Variants in NUP153 observed in about 807,000 individuals in gnomAD.
NUP153 encodes the protein nuclear pore complex protein Nup153.
A neutral mutation model predicts 134.6 loss-of-function variants in NUP153; 27 were observed. The observed-to-expected ratio is 0.20, with a 90% CI of 0.15 to 0.28. The LOEUF (loss-of-function observed/expected upper bound fraction) is 0.28, where lower values mean the gene tolerates loss of function less well. Among genes scored for constraint, NUP153 ranks in the 10% least tolerant of loss-of-function variants. The pLI is 1.00. For missense variants in NUP153, 1,821 were observed against 1,731.3 expected (o/e 1.05, Z -0.92); for synonymous variants, 640 against 623.5 (o/e 1.03, Z -0.40).
At position 17,628,943 on chromosome 6, in the gene NUP153, T is replaced by C. The variant is rs1470360915; in HGVS notation, c.3256A>G (p.Asn1086Asp). 2.5e-6 allele frequency: 4 copies of C among 1,614,174 alleles called. No individual in the cohort carries two copies. The highest frequency in any genetic ancestry group is 2.5e-6 in the Non-Finnish European group (3 of 1,180,026). The change falls in exon 18 of 22, where the codon AAC (asparagine) becomes GAC (aspartate). Residue 1086 changes from asparagine to aspartate, a missense_variant. Physicochemically the swap from Asn to Asp is conservative, Grantham distance 23. Transcript: ENST00000262077. The surrounding 1 kb of genome is among the most constrained non-coding windows in gnomAD (Gnocchi z 5.4). ...GATGGCAGAGAGGCAGGCTCCACGT[T>C]GCCAAAAGAGAATCCTCCTTTGGTG... ...PATKGGFSFG[N>D]VEPASLPSAS...
At chr6:17,620,799 G>T (rs993588920) in intron 20 of NUP153, among the ~76,000 whole-genome samples, 1 of 151,976 alleles carries the variant, frequency 6.6e-6, no homozygotes, top group African/African-American at 2.4e-5. Context: ...GGACCCCCCT[G>T]GCCTAGGCAA....
rs112507485 is a variant in NUP153 at position 17,706,076 on chromosome 6, C to A, written c.111+201G>T. Among the ~76,000 whole-genome samples the A allele has an allele frequency of 6.6e-6, 1 of 152,218 alleles. No individual in the cohort carries two copies. Among genetic ancestry groups the A allele is most frequent in the Non-Finnish European group, 1.5e-5 (1 of 68,030 alleles). ...TGGGGGAAAGGCGGCCCAAACCACACGTGTGCGCCGCAAGGCTGGGCCTGT... is the reference window on the plus strand; with the variant it reads ...TGGGGGAAAGGCGGCCCAAACCACAAGTGTGCGCCGCAAGGCTGGGCCTGT... On this transcript the variant is annotated intron_variant, in intron 1 of 21. Coordinates refer to ENST00000262077, the MANE Select transcript of NUP153 (RefSeq NM_005124.4). This position sits in a 1 kb window ranked among gnomAD's most constrained non-coding sequence, Gnocchi z 5.9.
intron 2 of NUP153, among the ~76,000 whole-genome samples, chr6:17,677,927 T>C (rs374310449): frequency 1.4e-4 from 22 of 152,018 alleles, no homozygotes; most frequent in African/African-American, 5.1e-4. Context: ...TTTGTGTCAA[T>C]TGCTAGAGTT....
intron 2 of NUP153, among the ~76,000 whole-genome samples, chr6:17,678,386 T>G (rs1768362888): frequency 7.2e-6 from 1 of 139,408 alleles, no homozygotes; most frequent in Admixed American, 6.9e-5. Context: ...GATTCTGGCC[T>G]TTGGTTTGAA....
At chr6:17,651,286 G>GC (rs972339939) in intron 11 of NUP153, among the ~76,000 whole-genome samples, 10 of 152,064 alleles carry the variant, frequency 6.6e-5, no homozygotes, top group African/African-American at 1.9e-4. Flanking sequence ...CTGGGTGACA[G>GC]CAAGAACCCA....
chr6:17,637,153 C>G lies in NUP153; in HGVS notation c.2464G>C (p.Gly822Arg). 6.3e-7 allele frequency: 1 copy of G among 1,597,912 alleles called. No homozygotes were observed. The highest frequency in any genetic ancestry group is 8.6e-7 in the Non-Finnish European group (1 of 1,168,484). Reference protein sequence around the residue: ...KCVSCMSEKPGSSVPASSSST... With the variant: ...KCVSCMSEKPRSSVPASSSST... ...TTACTCCATAAAGCCAAAAACATACCTGGTTTCTCAGACATACAGGACACA... is the reference window on the plus strand; with the variant it reads ...TTACTCCATAAAGCCAAAAACATACGTGGTTTCTCAGACATACAGGACACA... Residue 822 changes from glycine to arginine, a missense_variant and splice_region_variant, in exon 16 of 22, where the codon GGA becomes CGA. Physicochemically the swap from Gly to Arg is moderately radical, Grantham distance 125 (BLOSUM62 -2). Transcript: ENST00000262077.
At chr6:17,644,073 A>C (rs150955067) in intron 14 of NUP153, among the ~76,000 whole-genome samples, 1 of 152,160 alleles carries the variant, frequency 6.6e-6, no homozygotes, top group East Asian at 1.9e-4. Context: ...ATAAGGTTGC[A>C]AACATACCAG....
intron 8 of NUP153, among the ~76,000 whole-genome samples, chr6:17,665,727 T>G (rs1223056335): frequency 6.6e-6 from 1 of 151,922 alleles, no homozygotes; most frequent in Non-Finnish European, 1.5e-5. Flanking sequence ...GTTTTTTGTT[T>G]TTTTTTTTTA....
intron 2 of NUP153, among the ~76,000 whole-genome samples, chr6:17,685,563 A>C (rs1279662257): frequency 6.6e-6 from 1 of 151,786 alleles, no homozygotes. Context: ...AAAAAAAAAA[A>C]AACTGTTATA....
intron 12 of NUP153, 88 bp from the exon 13 acceptor site, chr6:17,647,993 T>C (rs556771904): frequency 2.7e-5 from 21 of 777,296 alleles, no homozygotes; most frequent in South Asian, 4.7e-5. Context: ...AACTGATTAT[T>C]CCAAAGACAC....
In NUP153 at chr6:17,675,768, G is replaced by T; in HGVS notation, c.337C>A (p.Pro113Thr). ...PEPAVSNTEE[P>T]STTSTASNYP... ...TTTGAAGCAGTACTAGTTGTTGAAG[G>T]TTCTTAAAAGAAAAGCATTAATATT... is the stretch of plus-strand genomic sequence containing the variant. Residue 113 changes from proline to threonine, a missense_variant and splice_region_variant, in exon 3 of 22, where the codon CCT becomes ACT. Pro to Thr is a conservative substitution (Grantham distance 38). Coordinates refer to ENST00000262077, the MANE Select transcript of NUP153 (RefSeq NM_005124.4). The surrounding 1 kb of genome is among the most constrained non-coding windows in gnomAD (Gnocchi z 4.4). The T allele has an allele frequency of 6.2e-7, 1 of 1,612,668 alleles. No homozygotes were observed. Among genetic ancestry groups the T allele is most frequent in the Non-Finnish European group, 8.5e-7 (1 of 1,178,700 alleles).
chr6:17,631,775 G>C (rs1032772073), intron 17 of NUP153, among the ~76,000 whole-genome samples: 2 of 152,038 alleles, frequency 1.3e-5, no homozygotes, highest in Admixed American at 1.3e-4. Flanking sequence ...GACCATCCTG[G>C]CTAACATGGT....
intron 1 of NUP153, among the ~76,000 whole-genome samples, chr6:17,705,974 A>C (rs945859214): frequency 6.6e-6 from 1 of 152,202 alleles, no homozygotes; most frequent in Admixed American, 6.5e-5. Context: ...CAAAAAATAA[A>C]GAAACGCGCG....
At chr6:17,644,239 G>T (rs944018415) in intron 14 of NUP153, among the ~76,000 whole-genome samples, 2 of 152,066 alleles carry the variant, frequency 1.3e-5, no homozygotes, top group East Asian at 1.9e-4. Context: ...AAACTCAGAA[G>T]ATCATTGAAG....
intron 7 of NUP153, 68 bp from the exon 8 acceptor site, chr6:17,669,096 T>TTC: frequency 8.8e-7 from 1 of 1,132,404 alleles, no homozygotes; most frequent in South Asian, 1.6e-5. Context: ...TTTTTTTTTT[T>TTC]GAGATGGAGT....
At chr6:17,645,926 T>A (rs1345789022) in intron 14 of NUP153, 141 bp downstream of exon 14, 1 of 434,514 alleles carries the variant, frequency 2.3e-6, no homozygotes, top group Non-Finnish European at 4.1e-6. Flanking sequence ...AAAGGTTAAA[T>A]AATAGTGCCT....
At position 17,688,463 on chromosome 6, in the gene NUP153, G is replaced by T. The variant is rs150847776; in HGVS notation, c.267C>A (p.Ala89=). The change falls in exon 2 of 22, where the codon GCC becomes GCA. Residue 89 remains alanine (A), a synonymous_variant. Transcript: ENST00000262077. Reference sequence around the variant, plus strand: ...CAGTAATATTAGAGCTCTCCTCATCGGCATATACCAGATGGTCCTCTTTAT... The same window carrying T: ...CAGTAATATTAGAGCTCTCCTCATCTGCATATACCAGATGGTCCTCTTTAT... ...PENKEDHLVY[A]DEESSNITDG... The T allele has an allele frequency of 1.2e-6, 2 of 1,613,822 alleles. No individual in the cohort carries two copies. The highest frequency in any genetic ancestry group is 1.7e-6 in the Non-Finnish European group (2 of 1,179,984).
intron 8 of NUP153, among the ~76,000 whole-genome samples, chr6:17,668,021 A>G (rs1181221653): frequency 1.3e-5 from 2 of 151,654 alleles, no homozygotes; most frequent in East Asian, 1.9e-4. Flanking sequence ...GTTAATGAGG[A>G]AAGTATACAA....
Position 17,628,663 on chromosome 6 carries a change from G to C in NUP153, c.3536C>G (p.Thr1179Ser). 1 of 1,586,994 alleles carries C rather than the reference G, an allele frequency of 6.3e-7. No homozygotes were observed. The highest frequency in any genetic ancestry group is 8.6e-7 in the Non-Finnish European group (1 of 1,165,104). ...AAAAAGTTAATACTTACCAGCTGTA[G>C]TACTAGTTTGAGCTCCAAAGGCAAA... Reference protein sequence around the residue: ...ATFAFGAQTSTTADQGAAKPV... With the variant: ...ATFAFGAQTSSTADQGAAKPV... The change falls in exon 18 of 22, where the codon ACT becomes AGT. Residue 1179 changes from threonine to serine, a missense_variant. By Grantham distance (58) the Thr-to-Ser change is moderately conservative (BLOSUM62 1). Coordinates refer to ENST00000262077, the MANE Select transcript of NUP153 (RefSeq NM_005124.4). The surrounding 1 kb of genome is among the most constrained non-coding windows in gnomAD (Gnocchi z 5.4).
Sources: gnomAD v4.1 joint callset for allele counts (sites outside exome capture counted in the v4.1 genomes callset) on GRCh38, gnomAD v4.1.1 for gene constraint, Gnocchi (gnomAD v3.1) non-coding constraint, MANE v1.5 for transcripts, NCBI Gene and HGNC (gene_info 2026-07-23, HGNC 2026-07-21) for gene names.